The following SPATA6 variants were observed in gnomAD, a reference collection of about 807,000 sequenced individuals.
The protein encoded by SPATA6 is spermatogenesis associated 6.
In SPATA6, 56 loss-of-function variants were observed where a neutral mutation model predicts 65.3. The ratio of observed to expected loss-of-function variants is 0.86; its 90% confidence interval spans 0.69 to 1.07. The LOEUF (loss-of-function observed/expected upper bound fraction) is 1.07, where lower values mean the gene tolerates loss of function less well. Among genes scored for constraint, SPATA6 ranks in the 50% least tolerant of loss-of-function variants. The pLI is 0.00. For missense variants in SPATA6, 590 were observed against 594.8 expected (o/e 0.99, Z 0.08); for synonymous variants, 199 against 213.2 (o/e 0.93, Z 0.58).
intron 1 of SPATA6, among the ~76,000 whole-genome samples, chr1:48,468,290 C>T (rs943826861): frequency 2.0e-5 from 3 of 152,188 alleles, no homozygotes; most frequent in African/African-American, 4.8e-5. Context: ...ATTGGAGCCA[C>T]ATAGTATGTG....
intron 9 of SPATA6, among the ~76,000 whole-genome samples, chr1:48,372,117 A>G (rs1291735165): frequency 1.3e-5 from 2 of 152,112 alleles, no homozygotes; most frequent in African/African-American, 4.8e-5. Context: ...ATGCCTTCCC[A>G]ACAGTCCCCC....
intron 7 of SPATA6, among the ~76,000 whole-genome samples, chr1:48,395,583 G>T (rs1292620811): frequency 6.6e-6 from 1 of 151,762 alleles, no homozygotes; most frequent in African/African-American, 2.4e-5. Context: ...ATATATATGT[G>T]CCTACTTTAA....
At chr1:48,321,254 C>CAAT (rs1044883993) in intron 11 of SPATA6, among the ~76,000 whole-genome samples, 1 of 152,014 alleles carries the variant, frequency 6.6e-6, no homozygotes, top group Non-Finnish European at 1.5e-5. Flanking sequence ...ACAACAACAA[C>CAAT]AATAATCAAC....
At chr1:48,415,843 A>G (rs1015234505) in intron 3 of SPATA6, among the ~76,000 whole-genome samples, 1 of 152,168 alleles carries the variant, frequency 6.6e-6, no homozygotes, top group African/African-American at 2.4e-5. Flanking sequence ...AAGAGCAAGG[A>G]GAATAAATGC....
intron 12 of SPATA6, among the ~76,000 whole-genome samples, chr1:48,299,537 A>AAAAAAAAAAAAAAAAAAAAAT (rs1569971516): frequency 6.7e-6 from 1 of 149,972 alleles, no homozygotes; most frequent in Non-Finnish European, 1.5e-5. Context: ...AAAAAAAAAA[A>AAAAAAAAAAAAAAAAAAAAAT]GAATGCATAG....
the SPATA6 span, among the ~76,000 whole-genome samples, chr1:48,269,727 TATATA>T: frequency 6.6e-6 from 1 of 151,848 alleles, no homozygotes; most frequent in Non-Finnish European, 1.5e-5. Flanking sequence ...TAGAAATACA[TATATA>T]ATATAATAAA....
chr1:48,292,158 G>T (rs1424828364), downstream of SPATA6, among the ~76,000 whole-genome samples: 1 of 152,174 alleles, frequency 6.6e-6, no homozygotes, highest in Non-Finnish European at 1.5e-5. Context: ...TGGTGTCAGT[G>T]CATTTGAAGC....
In SPATA6 at chr1:48,436,901, T is replaced by A. The variant is rs1195508849; in HGVS notation, c.238+14651A>T. ...TCCCGGTCAGGTGTAGACTCTGGAATTGGAGAAAGTGTGCTTGTCTCCAGT... is the reference window on the plus strand; with the variant it reads ...TCCCGGTCAGGTGTAGACTCTGGAAATGGAGAAAGTGTGCTTGTCTCCAGT... On this transcript the variant is annotated intron_variant, in intron 3 of 12. Transcript: ENST00000371847. The A allele has an allele frequency of 3.1e-6, 5 of 1,613,576 alleles. No homozygotes were observed. The Admixed American group carries it at 6.7e-5, about 22-fold the overall frequency.
At chr1:48,342,244 A>G (rs1167997965) in intron 11 of SPATA6, among the ~76,000 whole-genome samples, 1 of 152,184 alleles carries the variant, frequency 6.6e-6, no homozygotes, top group Non-Finnish European at 1.5e-5. Context: ...TTTGTTTTTT[A>G]AAAAATAGCT....
At chr1:48,416,150 C>T (rs1033397201) in intron 3 of SPATA6, among the ~76,000 whole-genome samples, 3 of 152,004 alleles carry the variant, frequency 2.0e-5, no homozygotes, top group African/African-American at 4.8e-5. Context: ...GGCAGTGAAC[C>T]AAAATCATAC....
intron 8 of SPATA6, among the ~76,000 whole-genome samples, chr1:48,392,310 A>T (rs1275021318): frequency 6.6e-6 from 1 of 152,084 alleles, no homozygotes; most frequent in Non-Finnish European, 1.5e-5. Flanking sequence ...ATATTTCCTA[A>T]ATTACTAAGC....
rs1054462159 is a variant in SPATA6, at chr1:48,395,319, C to T, written c.816G>A (p.Leu272=). 1 of 1,568,604 alleles carries T rather than the reference C, an allele frequency of 6.4e-7. No individual in the cohort carries two copies. The highest frequency in any genetic ancestry group is 8.7e-7 in the Non-Finnish European group (1 of 1,154,890). ...TTTCACAGTCTCTTCCAGAAGATCC[C>T]AATAAAGTATCAGCCCTGGGACTTG... ...DPPSPRADTL[L]GSSGRDCERD... Residue 272 remains leucine (L), a synonymous_variant, in exon 8 of 13, where the codon TTG becomes TTA. Coordinates refer to ENST00000371847, the MANE Select transcript of SPATA6 (RefSeq NM_019073.4).
chr1:48,407,335 C>G (rs1289354125), intron 5 of SPATA6, among the ~76,000 whole-genome samples: 1 of 152,142 alleles, frequency 6.6e-6, no homozygotes, highest in Non-Finnish European at 1.5e-5. Context: ...GAGTTTATCT[C>G]AGCCCTTTAT....
At chr1:48,340,667 T>A (rs995604790) in intron 11 of SPATA6, among the ~76,000 whole-genome samples, 1 of 151,834 alleles carries the variant, frequency 6.6e-6, no homozygotes, top group East Asian at 1.9e-4. Context: ...ATAAACAGAT[T>A]TATCAGATAG....
At chr1:48,391,496 T>C (rs185929387) in intron 8 of SPATA6, among the ~76,000 whole-genome samples, 1 of 152,330 alleles carries the variant, frequency 6.6e-6, no homozygotes, top group Admixed American at 6.5e-5. Context: ...AGCACTCGTA[T>C]GGCTTCTGCA....
the SPATA6 span, among the ~76,000 whole-genome samples, chr1:48,278,489 G>A: frequency 6.6e-6 from 1 of 152,194 alleles, no homozygotes; most frequent in Non-Finnish European, 1.5e-5. Flanking sequence ...CTGCTTAAAG[G>A]AGCTGATGGA....
the SPATA6 span, among the ~76,000 whole-genome samples, chr1:48,267,286 G>C: frequency 6.6e-6 from 1 of 152,086 alleles, no homozygotes; most frequent in Admixed American, 6.5e-5. Flanking sequence ...AAGCCCCAGT[G>C]GGCATGTGTT....
At chr1:48,346,700 T>A (rs1465875162) in intron 11 of SPATA6, among the ~76,000 whole-genome samples, 2 of 152,058 alleles carry the variant, frequency 1.3e-5, no homozygotes, top group East Asian at 1.9e-4. Flanking sequence ...AAGTCAGGAA[T>A]ATAATACCCT....
At chr1:48,371,395 A>AT (rs1303318856) in intron 9 of SPATA6, among the ~76,000 whole-genome samples, 1 of 152,146 alleles carries the variant, frequency 6.6e-6, no homozygotes, top group Non-Finnish European at 1.5e-5. Context: ...AATAATATTT[A>AT]TTTTTTATTT....
Sources: gnomAD v4.1 joint callset for allele counts (sites outside exome capture counted in the v4.1 genomes callset) on GRCh38, gnomAD v4.1.1 for gene constraint, MANE v1.5 for transcripts, NCBI Gene and HGNC (gene_info 2026-07-23, HGNC 2026-07-21) for gene names.